IGSF10: variants seen among roughly 807,000 people sequenced by gnomAD.
The protein encoded by IGSF10 is immunoglobulin superfamily member 10, also known as calvaria mechanical force protein 608.
In IGSF10, 126 loss-of-function variants were observed where a neutral mutation model predicts 128.2. The ratio of observed to expected loss-of-function variants is 0.98; its 90% confidence interval spans 0.85 to 1.14. The LOEUF is 1.14. Among genes scored for constraint, IGSF10 ranks in the 50% most tolerant of loss-of-function variants. The pLI is 0.00. For synonymous variants in IGSF10, 1,185 were observed against 1,146.2 expected, an observed-to-expected ratio of 1.03 and a Z score of -0.68; for missense variants, 3,295 against 3,149.8, an observed-to-expected ratio of 1.05 and a Z score of -1.10.
chr3:151,443,837 G>A lies in IGSF10; in HGVS notation c.5110C>T (p.Pro1704Ser), dbSNP rs150731670. The stretch of plus-strand genomic sequence containing the variant: ...CTCTGGATGGACAGGGTACCATTGG[G>A]GAGAACCTGGACCCTGCTATTCTGT... ...RKQNSRVQVL[P>S]NGTLSIQRVE... is the part of the protein sequence containing the mutation. Residue 1704 changes from proline to serine, a missense_variant, in exon 7 of 8, where the codon CCC becomes TCC. Physicochemically the swap from Pro to Ser is moderately conservative, Grantham distance 74 (BLOSUM62 -1). Coordinates refer to ENST00000282466, the MANE Select transcript of IGSF10 (RefSeq NM_178822.5). The A allele has an allele frequency of 6.2e-7, 1 of 1,613,770 alleles. No homozygotes were observed. The highest frequency in any genetic ancestry group is 1.3e-5 in the African/African-American group (1 of 74,892).
the IGSF10 span, among the ~76,000 whole-genome samples, chr3:151,479,333 T>A: frequency 2.0e-5 from 3 of 152,188 alleles, no homozygotes; most frequent in Non-Finnish European, 4.4e-5. Context: ...TTTCTTTCTG[T>A]TTAATGTGAA....
Position 151,453,449 on chromosome 3 carries a change from T to G in IGSF10, c.650A>C (p.His217Pro). ...GCAATCACAGGTCCATGGGTTTCCA[T>G]GCAGGTAAAGGCTGTCTAGGTCAGG... Reference protein sequence around the residue: ...YMPDLDSLYLHGNPWTCDCHL... With the variant: ...YMPDLDSLYLPGNPWTCDCHL... Residue 217 changes from histidine (H) to proline (P), a missense_variant, in exon 5 of 8, where the codon CAT (histidine) becomes CCT (proline). Transcript: ENST00000282466. The G allele has an allele frequency of 1.2e-6, 2 of 1,613,526 alleles. No homozygotes were observed.
the IGSF10 span, among the ~76,000 whole-genome samples, chr3:151,567,966 C>A: frequency 6.6e-6 from 1 of 152,146 alleles, no homozygotes; most frequent in Non-Finnish European, 1.5e-5. Flanking sequence ...GTCAGGCTCA[C>A]GTCTTACTAT....
At chr3:151,503,432 A>T in the IGSF10 span, among the ~76,000 whole-genome samples, 1 of 152,142 alleles carries the variant, frequency 6.6e-6, no homozygotes, top group Non-Finnish European at 1.5e-5. Flanking sequence ...GAATTTGAAA[A>T]TACAAGTGGA....
chr3:151,434,949 T>G (rs1399498995), downstream of IGSF10: 1 of 152,172 alleles, frequency 6.6e-6, no homozygotes, highest in Non-Finnish European at 1.5e-5. Flanking sequence ...AATTCCACGA[T>G]TCTATTGAAA....
Position 151,446,658 on chromosome 3 carries a change from T to A in IGSF10, c.3323A>T (p.Asn1108Ile). The change falls in exon 6 of 8, where the codon AAT becomes ATT. Residue 1108 changes from asparagine to isoleucine, a missense_variant. Physicochemically the swap from Asn to Ile is moderately radical, Grantham distance 149. Coordinates refer to ENST00000282466, the MANE Select transcript of IGSF10 (RefSeq NM_178822.5). ...TTTGTTCTCAAGTAGTAATAGTGGA[T>A]TCTGGACTAGAGTTGTAGACTCTTC... ...PSEESTTLVQ[N>I]PLLLLENKPS... 1 of 1,614,048 alleles carries A rather than the reference T, an allele frequency of 6.2e-7. No individual in the cohort carries two copies. Among genetic ancestry groups the A allele is most frequent in the Non-Finnish European group, 8.5e-7 (1 of 1,179,944 alleles).
the IGSF10 span, among the ~76,000 whole-genome samples, chr3:151,490,999 G>A: frequency 6.6e-6 from 1 of 150,916 alleles, no homozygotes; most frequent in Non-Finnish European, 1.5e-5. Flanking sequence ...GCGGAAGGAA[G>A]GAAATAAAGA....
chr3:151,448,849 A>G lies in IGSF10; in HGVS notation c.1132T>C (p.Leu378=), dbSNP rs1182428123. 6.2e-7 allele frequency: 1 copy of G among 1,613,998 alleles called. No individual in the cohort carries two copies. Among genetic ancestry groups the G allele is most frequent in the Non-Finnish European group, 8.5e-7 (1 of 1,179,810 alleles). ...YGHIQPVWQI[L]ALYSDSPLIL... ...AGAGGAGAATCACTGTACAAAGCCA[A>G]AATTTGCCACACTGGCTGAATGTGA... Residue 378 remains leucine (L), a synonymous_variant, in exon 6 of 8, where the codon TTG becomes CTG. Coordinates refer to ENST00000282466, the MANE Select transcript of IGSF10 (RefSeq NM_178822.5).
intron 5 of IGSF10, among the ~76,000 whole-genome samples, chr3:151,449,788 AG>A (rs1412806736): frequency 1.3e-5 from 2 of 152,216 alleles, no homozygotes; most frequent in Non-Finnish European, 2.9e-5. Flanking sequence ...ACTGAATTAC[AG>A]GGTACCTTGA....
the IGSF10 span, among the ~76,000 whole-genome samples, chr3:151,553,933 C>T: frequency 6.6e-6 from 1 of 150,864 alleles, no homozygotes; most frequent in African/African-American, 2.4e-5. Flanking sequence ...GGGTAACAAG[C>T]TAGACCTTGT....
the IGSF10 span, among the ~76,000 whole-genome samples, chr3:151,484,891 C>CT: frequency 6.6e-6 from 1 of 152,232 alleles, no homozygotes; most frequent in East Asian, 1.9e-4. Context: ...TGGAAAGCCT[C>CT]TTCTCCTCCA....
the IGSF10 span, among the ~76,000 whole-genome samples, chr3:151,540,287 A>G: frequency 1.3e-5 from 2 of 152,186 alleles, no homozygotes; most frequent in Non-Finnish European, 2.9e-5. Context: ...GATCTATATT[A>G]TTCTCTTCTG....
the IGSF10 span, among the ~76,000 whole-genome samples, chr3:151,528,778 A>T: frequency 2.4e-4 from 36 of 149,560 alleles, no homozygotes; most frequent in African/African-American, 8.7e-4. Context: ...CTGTTTGGGC[A>T]GACACTGAGC....
At chr3:151,498,063 G>A in the IGSF10 span, among the ~76,000 whole-genome samples, 1 of 152,148 alleles carries the variant, frequency 6.6e-6, no homozygotes, top group African/African-American at 2.4e-5. Context: ...TCAGCTTAAG[G>A]AGATTTTGGG....
At chr3:151,477,832 C>G in the IGSF10 span, among the ~76,000 whole-genome samples, 1 of 152,186 alleles carries the variant, frequency 6.6e-6, no homozygotes, top group Non-Finnish European at 1.5e-5. Flanking sequence ...TGTTCTCTTT[C>G]ACAAGTCCCA....
At chr3:151,505,285 G>C in the IGSF10 span, among the ~76,000 whole-genome samples, 1 of 152,152 alleles carries the variant, frequency 6.6e-6, no homozygotes, top group African/African-American at 2.4e-5. Context: ...TGGCAGTAGG[G>C]AAAGAATGAG....
chr3:151,471,815 C>G, the IGSF10 span, among the ~76,000 whole-genome samples: 2 of 152,178 alleles, frequency 1.3e-5, no homozygotes, highest in African/African-American at 4.8e-5. Context: ...TATGCTGAAT[C>G]AGGTAGTGCT....
chr3:151,465,275 A>G (rs534959964), upstream of IGSF10, among the ~76,000 whole-genome samples: 35 of 152,372 alleles, frequency 2.3e-4, no homozygotes, highest in South Asian at 4.6e-3. Context: ...GATAAAAGTT[A>G]GAAACCTGAT....
chr3:151,450,442 A>G (rs2108560810), intron 5 of IGSF10, among the ~76,000 whole-genome samples: 1 of 152,264 alleles, frequency 6.6e-6, no homozygotes, highest in East Asian at 1.9e-4. Flanking sequence ...AGGCTTAAGA[A>G]ACTCACTCTG....
Sources: allele counts gnomAD v4.1 joint callset (sites outside exome capture counted in the v4.1 genomes callset), GRCh38; gene constraint gnomAD v4.1.1; transcripts MANE v1.5; gene names NCBI Gene and HGNC (gene_info 2026-07-23, HGNC 2026-07-21).